The following OSBPL11 variants were observed in gnomAD, a reference collection of about 807,000 sequenced individuals.
The protein encoded by OSBPL11 is oxysterol binding protein like 11, also known as oxysterol-binding protein-related protein 11.
A neutral mutation model predicts 84.4 loss-of-function variants in OSBPL11; 33 were observed. The observed-to-expected ratio is 0.39, with a 90% CI of 0.30 to 0.52. The LOEUF is 0.52. Among genes scored for constraint, OSBPL11 ranks in the 20% least tolerant of loss-of-function variants. OSBPL11 has a pLI of 0.72. For synonymous variants in OSBPL11, 276 were observed against 310.2 expected, an observed-to-expected ratio of 0.89 and a Z score of 1.16; for missense variants, 736 against 901.1, an observed-to-expected ratio of 0.82 and a Z score of 2.35.
rs551094002 is a variant in OSBPL11, at chr3:125,544,990, C to T, written c.1841+2416G>A. Among the ~76,000 whole-genome samples the T allele has an allele frequency of 2.6e-5, 4 of 152,190 alleles. No homozygotes were observed. The East Asian group carries it at 7.7e-4, about 29-fold the overall frequency. ...CTTGCTTTTTAAAAACTTGACAAAT[C>T]AGCCTTTTAGATTTTCTAGATCCTG... is the stretch of plus-strand genomic sequence containing the variant. On this transcript the variant is annotated intron_variant, in intron 10 of 12. Transcript: ENST00000296220.
At chr3:125,558,476 G>C (rs527505425) in intron 8 of OSBPL11, among the ~76,000 whole-genome samples, 2 of 152,172 alleles carry the variant, frequency 1.3e-5, no homozygotes, top group African/African-American at 2.4e-5. Flanking sequence ...TAAAATGTCT[G>C]CTTCTTATGC....
chr3:125,554,120 C>A (rs1372286867), intron 8 of OSBPL11, among the ~76,000 whole-genome samples: 2 of 152,176 alleles, frequency 1.3e-5, no homozygotes, highest in African/African-American at 4.8e-5. Context: ...CTAACTCAAA[C>A]CCCCAACTCC....
chr3:125,550,425 A>G (rs7649911), intron 9 of OSBPL11, among the ~76,000 whole-genome samples: 20,294 of 149,684 alleles, frequency 0.14, 1,587 homozygotes, highest in African/African-American at 0.2. Flanking sequence ...AAAAAAAAAA[A>G]AGAGAGTACT....
chr3:125,587,068 G>C (rs1936524758), intron 1 of OSBPL11, among the ~76,000 whole-genome samples: 1 of 152,120 alleles, frequency 6.6e-6, no homozygotes, highest in South Asian at 2.1e-4. Context: ...CAGTAACATG[G>C]GTTCCTGCTA....
chr3:125,593,346 G>C (rs904455960), intron 1 of OSBPL11, among the ~76,000 whole-genome samples: 2 of 152,126 alleles, frequency 1.3e-5, no homozygotes, highest in Non-Finnish European at 2.9e-5. Context: ...CTGGCCAGGC[G>C]CGGTGGCTCA....
chr3:125,563,030 C>T (rs1393044420), intron 7 of OSBPL11, among the ~76,000 whole-genome samples: 1 of 151,048 alleles, frequency 6.6e-6, no homozygotes, highest in African/African-American at 2.4e-5. Flanking sequence ...GGGACATTAA[C>T]TCAATAGACT....
rs566799178 is a variant in OSBPL11 at position 125,541,301 on chromosome 3, C to T, written c.1842-2668G>A. On this transcript the variant is annotated intron_variant, in intron 10 of 12. Coordinates refer to ENST00000296220, the MANE Select transcript of OSBPL11 (RefSeq NM_022776.5). ...GCCCCAGATAGCACTTAGCAGAATG[C>T]CTGATAAACAGTAAGTGCTTAATAA... 2.6e-5 allele frequency among the ~76,000 whole-genome samples: 4 copies of T among 152,256 alleles called. No homozygotes were observed. The East Asian group carries it at 7.7e-4, about 29-fold the overall frequency.
At chr3:125,557,895 G>T (rs1160132119) in intron 8 of OSBPL11, among the ~76,000 whole-genome samples, 1 of 143,136 alleles carries the variant, frequency 7.0e-6, no homozygotes, top group Non-Finnish European at 1.5e-5. Context: ...CCAGGTTCAA[G>T]CAATTCTTGT....
At chr3:125,566,055 G>C (rs1936149439) in intron 6 of OSBPL11, among the ~76,000 whole-genome samples, 1 of 152,044 alleles carries the variant, frequency 6.6e-6, no homozygotes, top group South Asian at 2.1e-4. Flanking sequence ...ACCCAGGCTG[G>C]AGCGCAGTGG....
At chr3:125,548,516 T>G (rs1935853444) in intron 9 of OSBPL11, among the ~76,000 whole-genome samples, 1 of 152,050 alleles carries the variant, frequency 6.6e-6, no homozygotes, top group African/African-American at 2.4e-5. Context: ...AGGAGCTTGT[T>G]CCATATTAAG....
At chr3:125,542,054 A>T (rs530258820) in intron 10 of OSBPL11, among the ~76,000 whole-genome samples, 1 of 152,228 alleles carries the variant, frequency 6.6e-6, no homozygotes, top group South Asian at 2.1e-4. Flanking sequence ...AAAGTTAGGT[A>T]CTTCAGAGAA....
At chr3:125,544,980 C>A (rs1935789168) in intron 10 of OSBPL11, among the ~76,000 whole-genome samples, 10 of 152,050 alleles carry the variant, frequency 6.6e-5, no homozygotes, top group Admixed American at 6.6e-4. Flanking sequence ...TTTTTAAAAA[C>A]TTGACAAATC....
intron 5 of OSBPL11, among the ~76,000 whole-genome samples, chr3:125,573,341 G>A (rs570772162): frequency 6.6e-5 from 10 of 152,144 alleles, no homozygotes; most frequent in African/African-American, 2.2e-4. Context: ...AATTAGAATC[G>A]TGATTTTAAT....
chr3:125,546,857 A>G (rs974399199), intron 10 of OSBPL11, among the ~76,000 whole-genome samples: 1 of 152,056 alleles, frequency 6.6e-6, no homozygotes, highest in African/African-American at 2.4e-5. Context: ...ACTGCACTCC[A>G]GCCTAGGCGA....
At position 125,531,851 on chromosome 3, in the gene OSBPL11, T is replaced by C. The variant is rs764629082; in HGVS notation, c.2178+10A>G. ...GATACATTTTTATCTTGAACACATG[T>C]ACAGCATACCTCTTTAATAAAATAT... On this transcript the variant is annotated intron_variant, in intron 12 of 12. Coordinates refer to ENST00000296220, the MANE Select transcript of OSBPL11 (RefSeq NM_022776.5). The C allele has an allele frequency of 2.5e-6, 4 of 1,604,182 alleles. No homozygotes were observed. Among genetic ancestry groups the C allele is most frequent in the Non-Finnish European group, 3.4e-6 (4 of 1,177,100 alleles).
At chr3:125,548,424 T>C (rs969598823) in intron 9 of OSBPL11, among the ~76,000 whole-genome samples, 2 of 152,170 alleles carry the variant, frequency 1.3e-5, no homozygotes, top group African/African-American at 4.8e-5. Context: ...ATAATTTTGT[T>C]TGCCAAATTA....
intron 6 of OSBPL11, 103 bp downstream of exon 6, chr3:125,567,291 C>CT: frequency 9.3e-7 from 1 of 1,071,586 alleles, no homozygotes; most frequent in Non-Finnish European, 1.4e-6. Flanking sequence ...TTTTCTTCTC[C>CT]TTTTTTTAAG....
At position 125,538,483 on chromosome 3, in the gene OSBPL11, T is replaced by C; in HGVS notation, c.1992A>G (p.Arg664=). The C allele has an allele frequency of 6.2e-7, 1 of 1,614,006 alleles. No individual in the cohort carries two copies. The highest frequency in any genetic ancestry group is 8.5e-7 in the Non-Finnish European group (1 of 1,179,936). Reference sequence around the variant, plus strand: ...CAAATGGATCCTGCTTCTCCAGAGGTCTCACTCTTTTCTTCGTCACTGCCA... The same window carrying C: ...CAAATGGATCCTGCTTCTCCAGAGGCCTCACTCTTTTCTTCGTCACTGCCA... The part of the protein sequence containing the change: ...TKLAVTKKRV[R]PLEKQDPFES... Residue 664 remains arginine, a synonymous_variant, in exon 11 of 13, where the codon AGA becomes AGG. Coordinates refer to ENST00000296220, the MANE Select transcript of OSBPL11 (RefSeq NM_022776.5).
chr3:125,532,092 CAAT>C, intron 11 of OSBPL11, 78 bp from the exon 12 acceptor site: 1 of 1,380,290 alleles, frequency 7.2e-7, no homozygotes, highest in South Asian at 1.5e-5. Context: ...CTCAAAATTA[CAAT>C]AATTTTATAA....
Sources: gnomAD v4.1 joint callset for allele counts (sites outside exome capture counted in the v4.1 genomes callset) on GRCh38, gnomAD v4.1.1 for gene constraint, MANE v1.5 for transcripts, NCBI Gene and HGNC (gene_info 2026-07-23, HGNC 2026-07-21) for gene names.